The following USP34 variants were observed in gnomAD, a reference collection of about 807,000 sequenced individuals.
USP34 encodes the protein ubiquitin carboxyl-terminal hydrolase 34.
Under a neutral mutation model 460.3 loss-of-function variants are expected in USP34, and 70 were observed. The ratio of observed to expected loss-of-function variants is 0.15; its 90% confidence interval spans 0.13 to 0.19. The LOEUF (loss-of-function observed/expected upper bound fraction) is 0.19. Among genes scored for constraint, USP34 ranks in the 10% least tolerant of loss-of-function variants. The pLI is 1.00. For missense variants in USP34, 3,985 were observed against 4,236.2 expected, an observed-to-expected ratio of 0.94 and a Z score of 1.65; for synonymous variants, 1,647 against 1,405.3, an observed-to-expected ratio of 1.17 and a Z score of -3.85.
chr2:61,259,838 T>C (rs1023014162), intron 43 of USP34, 62 bp from the exon 44 acceptor site: 72 of 1,528,362 alleles, frequency 4.7e-5, no homozygotes, highest in Non-Finnish European at 5.6e-5. Flanking sequence ...TTAGGCATTC[T>C]AGCAAAGAAA....
chr2:61,273,543 A>G (rs1228804993), intron 41 of USP34, among the ~76,000 whole-genome samples: 1 of 152,088 alleles, frequency 6.6e-6, no homozygotes, highest in East Asian at 1.9e-4. Context: ...ACATGGTGAA[A>G]CCCTTCTCTA....
chr2:61,441,724 T>C (rs1231619754), intron 1 of USP34, among the ~76,000 whole-genome samples: 2 of 146,784 alleles, frequency 1.4e-5, no homozygotes, highest in African/African-American at 5.1e-5. Context: ...GAATCAACTG[T>C]GCTCAGGTCA....
At chr2:61,452,400 T>C (rs1170241471) in intron 1 of USP34, among the ~76,000 whole-genome samples, 1 of 144,664 alleles carries the variant, frequency 6.9e-6, no homozygotes, top group Non-Finnish European at 1.5e-5. Flanking sequence ...TCTCAGCTCA[T>C]TGCAACCTCG....
chr2:61,224,047 A>T (rs1687663139), intron 62 of USP34, among the ~76,000 whole-genome samples: 1 of 152,216 alleles, frequency 6.6e-6, no homozygotes, highest in Non-Finnish European at 1.5e-5. Context: ...AAAAACAACC[A>T]CGGTACCATT....
chr2:61,373,697 C>A (rs779112811), intron 8 of USP34, among the ~76,000 whole-genome samples: 2 of 152,166 alleles, frequency 1.3e-5, no homozygotes, highest in Non-Finnish European at 2.9e-5. Context: ...ATTCTTGTTA[C>A]TCGCATTAGT....
chr2:61,228,698 G>C lies in USP34; in HGVS notation c.7390C>G (p.Gln2464Glu). 6.2e-7 allele frequency: 1 copy of C among 1,610,704 alleles called. No homozygotes were observed. The highest frequency in any genetic ancestry group is 8.5e-7 in the Non-Finnish European group (1 of 1,178,968). The change falls in exon 61 of 80, where the codon CAA becomes GAA. Residue 2464 changes from glutamine to glutamate, a missense_variant. Physicochemically the swap from Gln to Glu is conservative, Grantham distance 29 (BLOSUM62 2). Coordinates refer to ENST00000398571, the MANE Select transcript of USP34 (RefSeq NM_014709.4). Reference protein sequence around the residue: ...EEESQFLLSLQAISTMVHFYM... With the variant: ...EEESQFLLSLEAISTMVHFYM... ...AAATGTACCATTGTAGATATAGCTT[G>C]CAATGAAAGCAAAAATTGGCTCTAA... is the stretch of plus-strand genomic sequence containing the variant.
intron 34 of USP34, 51 bp from the exon 35 acceptor site, chr2:61,285,008 C>G: frequency 6.9e-7 from 1 of 1,458,690 alleles, no homozygotes; most frequent in Non-Finnish European, 9.4e-7. Context: ...AAAAGGAAAA[C>G]CCTCAAAAAG....
intron 76 of USP34, 85 bp from the exon 77 acceptor site, chr2:61,190,743 C>A: frequency 3.4e-6 from 5 of 1,488,816 alleles, no homozygotes; most frequent in East Asian, 2.3e-5. Flanking sequence ...AAAAAACATA[C>A]ACTTGTGTAT....
rs1161705082 is a variant in USP34, at chr2:61,228,816, T to A, written c.7368+11A>T. 1 of 1,597,784 alleles carries A rather than the reference T, an allele frequency of 6.3e-7. No individual in the cohort carries two copies. ...TAGATAATCAAAAAAATAGACAAGA[T>A]ATAGCCTCACCTCTTCTTCACCCAT... is the stretch of plus-strand genomic sequence containing the variant. On this transcript the variant is annotated intron_variant, in intron 60 of 79. Transcript: ENST00000398571.
At chr2:61,269,811 T>A (rs1223912228) in intron 41 of USP34, among the ~76,000 whole-genome samples, 2 of 152,044 alleles carry the variant, frequency 1.3e-5, no homozygotes, top group Non-Finnish European at 2.9e-5. Context: ...TTATATATAT[T>A]AATGGAATAT....
chr2:61,260,545 T>C (rs1572879626), intron 43 of USP34, among the ~76,000 whole-genome samples: 2 of 152,312 alleles, frequency 1.3e-5, no homozygotes, highest in East Asian at 1.9e-4. Context: ...GCAAGTAATA[T>C]GGCTCTGCTG....
chr2:61,327,431 C>T (rs904957411), intron 20 of USP34, among the ~76,000 whole-genome samples: 1 of 152,124 alleles, frequency 6.6e-6, no homozygotes, highest in Admixed American at 6.5e-5. Context: ...GGCTTCTAGG[C>T]TTTTTAAGTT....
chr2:61,382,394 C>T (rs72886855), intron 6 of USP34, among the ~76,000 whole-genome samples: 2,236 of 152,296 alleles, frequency 0.015, 69 homozygotes, highest in African/African-American at 0.05. Flanking sequence ...ATGCCAACTT[C>T]AAAGCCTATA....
intron 3 of USP34, among the ~76,000 whole-genome samples, chr2:61,402,129 A>C (rs978087821): frequency 1.3e-5 from 2 of 151,836 alleles, no homozygotes; most frequent in African/African-American, 4.8e-5. Context: ...ATAAAAATAA[A>C]CTTAGCCAGG....
rs771155536 is a variant in USP34 at position 61,280,193 on chromosome 2, A to G, written c.5256+51T>C. 4.5e-5 allele frequency: 48 copies of G among 1,071,962 alleles called. No individual in the cohort carries two copies. In the South Asian group the frequency reaches 8.0e-4, roughly 18 times the overall value. 66.4% of individuals were successfully genotyped at this position (1,071,962 alleles called of 1,614,324 possible). A position where few individuals can be genotyped will look rare whatever the true frequency, so the allele number is the denominator to read the frequency against. On this transcript the variant is annotated intron_variant, in intron 39 of 79. Coordinates refer to ENST00000398571, the MANE Select transcript of USP34 (RefSeq NM_014709.4). Reference sequence around the variant, plus strand: ...AAGTCATGAACATATGTCATAATTCATATTAACAAGAAGAGAATACATAGA... The same window carrying G: ...AAGTCATGAACATATGTCATAATTCGTATTAACAAGAAGAGAATACATAGA...
At chr2:61,361,971 T>TAATAAATA (rs527600718) in intron 10 of USP34, among the ~76,000 whole-genome samples, 3 of 151,096 alleles carry the variant, frequency 2.0e-5, no homozygotes, top group South Asian at 2.1e-4. Context: ...AGCAAAAAAA[T>TAATAAATA]AATAAATAAA....
intron 40 of USP34, 37 bp from the exon 41 acceptor site, chr2:61,278,322 G>A: frequency 6.2e-7 from 1 of 1,610,164 alleles, no homozygotes; most frequent in South Asian, 1.1e-5. Flanking sequence ...AAGCAAGATA[G>A]TTCACATAAT....
At chr2:61,369,423 T>A (rs1239283507) in intron 10 of USP34, among the ~76,000 whole-genome samples, 7 of 152,026 alleles carry the variant, frequency 4.6e-5, no homozygotes. Context: ...GGTGGGCGGA[T>A]CATGAGGTCA....
At chr2:61,396,283 T>A (rs963578432) in intron 3 of USP34, among the ~76,000 whole-genome samples, 1 of 152,200 alleles carries the variant, frequency 6.6e-6, no homozygotes, top group African/African-American at 2.4e-5. Context: ...TAAGTTCGTA[T>A]GAACTTTTTG....
Sources: gnomAD v4.1 joint callset for allele counts (sites outside exome capture counted in the v4.1 genomes callset) on GRCh38, gnomAD v4.1.1 for gene constraint, MANE v1.5 for transcripts, NCBI Gene and HGNC (gene_info 2026-07-23, HGNC 2026-07-21) for gene names.